The following RBM6 variants were observed in gnomAD, a reference collection of about 807,000 sequenced individuals.
RBM6 encodes the protein RNA-binding protein 6.
Under a neutral mutation model 140.4 loss-of-function variants are expected in RBM6, and 23 were observed. The observed-to-expected ratio is 0.16, with a 90% CI of 0.12 to 0.23. RBM6 has a LOEUF of 0.23. Among genes scored for constraint, RBM6 ranks in the 10% least tolerant of loss-of-function variants. The probability of loss-of-function intolerance (pLI) is 1.00; values close to 1 mark genes in which losing one functional copy is unlikely to be tolerated. For missense variants in RBM6, 1,139 were observed against 1,386.7 expected (o/e 0.82, Z 2.84); for synonymous variants, 439 against 475.6 (o/e 0.92, Z 1.00).
chr3:49,947,940 C>A (rs1004046737), intron 1 of RBM6, among the ~76,000 whole-genome samples: 1 of 152,024 alleles, frequency 6.6e-6, no homozygotes, highest in Non-Finnish European at 1.5e-5. Flanking sequence ...CTAAAAATAC[C>A]ACAATTAGCT....
intron 6 of RBM6, among the ~76,000 whole-genome samples, chr3:50,028,064 GT>G (rs36080040): frequency 0.53 from 78,168 of 146,844 alleles, 21,072 homozygotes; most frequent in East Asian, 0.86. Flanking sequence ...TTTTGTACTT[GT>G]TTTTTTTTTT....
At chr3:50,000,381 C>CT (rs1184229453) in intron 6 of RBM6, among the ~76,000 whole-genome samples, 2 of 136,790 alleles carry the variant, frequency 1.5e-5, no homozygotes, top group East Asian at 4.4e-4. Context: ...ACTGCCTATA[C>CT]TTAACAGTGT....
At chr3:50,012,732 T>G (rs1389632776) in intron 6 of RBM6, among the ~76,000 whole-genome samples, 1 of 149,398 alleles carries the variant, frequency 6.7e-6, no homozygotes, top group African/African-American at 2.5e-5. Context: ...TTCACCTAGA[T>G]TCTACCTTTT....
chr3:49,980,580 C>T (rs966684327), intron 5 of RBM6, among the ~76,000 whole-genome samples: 5 of 151,060 alleles, frequency 3.3e-5, no homozygotes, highest in Non-Finnish European at 5.9e-5. Flanking sequence ...GCCAACATGG[C>T]GAACGAAACC....
Position 50,061,135 on chromosome 3 carries a change from G to A in RBM6, c.2272-5G>A. Reference sequence around the variant, plus strand: ...CTGTAATTTTAACTTGCCTTTCTGTGATAGGGTAAAAAATATTTCCGAGAT... The same window carrying A: ...CTGTAATTTTAACTTGCCTTTCTGTAATAGGGTAAAAAATATTTCCGAGAT... On this transcript the variant is annotated splice_polypyrimidine_tract_variant and splice_region_variant and intron_variant, in intron 12 of 20. Coordinates refer to ENST00000266022, the MANE Select transcript of RBM6 (RefSeq NM_005777.3). The A allele has an allele frequency of 6.2e-7, 1 of 1,614,132 alleles. No homozygotes were observed. The highest frequency in any genetic ancestry group is 8.5e-7 in the Non-Finnish European group (1 of 1,180,008).
intron 6 of RBM6, among the ~76,000 whole-genome samples, chr3:50,024,621 A>G (rs1364442813): frequency 2.0e-5 from 3 of 152,194 alleles, no homozygotes; most frequent in African/African-American, 7.2e-5. Context: ...GAATTATTCC[A>G]AAGTTGGATA....
intron 2 of RBM6, among the ~76,000 whole-genome samples, chr3:49,963,719 A>G (rs62262116): frequency 0.079 from 12,010 of 152,214 alleles, 523 homozygotes; most frequent in African/African-American, 0.1. Flanking sequence ...CTAGTATCAT[A>G]CACACTGTAT....
intron 6 of RBM6, among the ~76,000 whole-genome samples, chr3:50,003,395 C>A (rs1289774067): frequency 6.6e-6 from 1 of 151,784 alleles, no homozygotes; most frequent in Non-Finnish European, 1.5e-5. Context: ...TTCTGAGTCA[C>A]CACGATCTGC....
At chr3:49,984,611 A>ATCGCATCGCATCG (rs1559552690) in intron 5 of RBM6, among the ~76,000 whole-genome samples, 169 of 86,134 alleles carry the variant, frequency 2.0e-3, no homozygotes, top group African/African-American at 3.5e-3. Flanking sequence ...ACATCACATC[A>ATCGCATCGCATCG]CATCGCATCG....
At chr3:50,048,124 AATT>A in intron 6 of RBM6, 118 bp from the exon 7 acceptor site, 1 of 1,476,552 alleles carries the variant, frequency 6.8e-7, no homozygotes, top group Non-Finnish European at 9.0e-7. Flanking sequence ...TTCACCAGTG[AATT>A]AAGCTCACTC....
chr3:50,058,287 G>A (rs1457972658), intron 9 of RBM6, 115 bp from the exon 10 acceptor site: 1 of 1,216,114 alleles, frequency 8.2e-7, no homozygotes, highest in East Asian at 2.3e-5. Context: ...TTTTTTTACA[G>A]AACCAGCCTT....
chr3:50,050,882 C>T (rs1028431134), intron 7 of RBM6, among the ~76,000 whole-genome samples: 1 of 152,048 alleles, frequency 6.6e-6, no homozygotes, highest in African/African-American at 2.4e-5. Flanking sequence ...AATGTTCAAC[C>T]AAGTCCTCTG....
chr3:49,995,493 G>A (rs2086042204), intron 5 of RBM6, among the ~76,000 whole-genome samples: 1 of 150,996 alleles, frequency 6.6e-6, no homozygotes, highest in African/African-American at 2.4e-5. Flanking sequence ...GCAATGAGCC[G>A]AGATTGTGTG....
intron 6 of RBM6, among the ~76,000 whole-genome samples, chr3:50,044,819 C>T (rs1163927568): frequency 6.6e-6 from 1 of 152,104 alleles, no homozygotes; most frequent in Admixed American, 6.5e-5. Flanking sequence ...ATAAATTGTT[C>T]TCATACAGGT....
At chr3:50,052,986 GGTGTGTGTGTGTGTGTGTGTGT>G (rs57244510) in intron 7 of RBM6, among the ~76,000 whole-genome samples, 8 of 134,748 alleles carry the variant, frequency 5.9e-5, no homozygotes, top group South Asian at 2.6e-4. Flanking sequence ...AGTGGGCAGG[GGTGTGTGTGTGTGTGTGTGTGT>G]GTGTGTGTGT....
chr3:49,974,813 A>G (rs2084988038), intron 4 of RBM6, among the ~76,000 whole-genome samples: 1 of 149,558 alleles, frequency 6.7e-6, no homozygotes, highest in African/African-American at 2.5e-5. Flanking sequence ...CAGCCTTCCA[A>G]GTAGCTGGGA....
At chr3:50,062,892 CT>C (rs36101209) in intron 15 of RBM6, among the ~76,000 whole-genome samples, 57,018 of 128,118 alleles carry the variant, frequency 0.45, 12,682 homozygotes, top group East Asian at 0.82. Flanking sequence ...TTTCTTTTTC[CT>C]TTTTTTTTTT....
intron 19 of RBM6, among the ~76,000 whole-genome samples, chr3:50,074,096 TG>T (rs2090387474): frequency 1.3e-5 from 2 of 152,318 alleles, no homozygotes; most frequent in South Asian, 4.1e-4. Context: ...CCCAAAGTGC[TG>T]GGATTACAGG....
intron 5 of RBM6, among the ~76,000 whole-genome samples, chr3:49,978,389 CA>C (rs2108662557): frequency 6.6e-6 from 1 of 152,188 alleles, no homozygotes; most frequent in African/African-American, 2.4e-5. Context: ...GGATATTGCT[CA>C]TAAGAGGGGA....
Sources: gnomAD v4.1 joint callset for allele counts (sites outside exome capture counted in the v4.1 genomes callset) on GRCh38, gnomAD v4.1.1 for gene constraint, MANE v1.5 for transcripts, NCBI Gene and HGNC (gene_info 2026-07-23, HGNC 2026-07-21) for gene names.